DOCK4: variants seen among roughly 807,000 people sequenced by gnomAD.
DOCK4 encodes the protein dedicator of cytokinesis protein 4.
A neutral mutation model predicts 268.1 loss-of-function variants in DOCK4; 97 were observed. The ratio of observed to expected loss-of-function variants is 0.36; its 90% CI spans 0.31 to 0.43. DOCK4 has a LOEUF of 0.43. DOCK4 is among the 20% of genes least tolerant of loss of function. The pLI, the probability that DOCK4 is intolerant of heterozygous loss-of-function variation, is 1.00. For missense variants in DOCK4, 2,145 were observed against 2,455.7 expected (o/e 0.87, Z 2.67); for synonymous variants, 954 against 887.2 (o/e 1.08, Z -1.34).
chr7:112,046,665 A>G (rs1448149138), intron 1 of DOCK4, among the ~76,000 whole-genome samples: 1 of 152,180 alleles, frequency 6.6e-6, no homozygotes, highest in Non-Finnish European at 1.5e-5. Flanking sequence ...TCTCAAAACA[A>G]TGACAACAAA....
chr7:111,778,315 T>C lies in DOCK4; in HGVS notation c.3640A>G (p.Lys1214Glu). ...GCTTTGAGATGCAGATCATAGAGTT[T>C]GTGAATGTAGCGTATATACATCTCC... is the stretch of plus-strand genomic sequence containing the variant. ...KEEMYIRYIH[K>E]LYDLHLKAQN... The change falls in exon 36 of 53, where the codon AAA becomes GAA. Residue 1214 changes from lysine to glutamate, a missense_variant. Lys to Glu is a moderately conservative substitution (Grantham distance 56, BLOSUM62 1). This residue lies in a region of DOCK4 where 1,598 missense variants were observed against 1,986.7 expected (regional missense o/e 0.80). Transcript: ENST00000428084. The C allele has an allele frequency of 1.2e-6, 2 of 1,613,312 alleles. No homozygotes were observed. Among genetic ancestry groups the C allele is most frequent in the Non-Finnish European group, 1.7e-6 (2 of 1,179,442 alleles).
intron 12 of DOCK4, 144 bp from the exon 13 acceptor site, chr7:111,916,048 T>A: frequency 1.2e-6 from 1 of 863,914 alleles, no homozygotes; most frequent in Non-Finnish European, 1.8e-6. Context: ...AGAATCTATA[T>A]GAATCATATC....
intron 8 of DOCK4, among the ~76,000 whole-genome samples, chr7:111,954,190 G>A (rs1183189280): frequency 6.6e-6 from 1 of 152,174 alleles, no homozygotes; most frequent in Admixed American, 6.5e-5. Flanking sequence ...ACTGTGAAGA[G>A]AGCTGTTACT....
intron 10 of DOCK4, among the ~76,000 whole-genome samples, chr7:111,941,453 T>C (rs1295065396): frequency 1.3e-5 from 2 of 152,230 alleles, no homozygotes; most frequent in African/African-American, 4.8e-5. Context: ...TCTCAATTTA[T>C]GTCTATTTTG....
chr7:112,018,905 T>C (rs1000774703), intron 1 of DOCK4, among the ~76,000 whole-genome samples: 1 of 152,198 alleles, frequency 6.6e-6, no homozygotes, highest in African/African-American at 2.4e-5. Flanking sequence ...GAACAATCCA[T>C]CTATTGCAGT....
At chr7:111,895,229 A>G (rs983999940) in intron 16 of DOCK4, among the ~76,000 whole-genome samples, 1 of 152,204 alleles carries the variant, frequency 6.6e-6, no homozygotes, top group African/African-American at 2.4e-5. Context: ...TAGCAGACAA[A>G]AAAAAGCAAT....
Position 111,782,899 on chromosome 7 carries a change from C to T in DOCK4, c.3550G>A (p.Asp1184Asn). Residue 1184 changes from aspartate (D) to asparagine (N), a missense_variant, in exon 35 of 53, where the codon GAT (aspartate) becomes AAT (asparagine). Asp to Asn is a conservative substitution (Grantham distance 23). Coordinates refer to ENST00000428084, the MANE Select transcript of DOCK4 (RefSeq NM_001363540.2). ...ACTGTGCAGCCAATCTTTTTGCCAT[C>T]TACCTCTCCCATTTTCATGCAGTCC... ...YRDCMKMGEV[D>N]GKKIGCTVSL... The T allele has an allele frequency of 6.2e-7, 1 of 1,613,312 alleles. No homozygotes were observed. The highest frequency in any genetic ancestry group is 8.5e-7 in the Non-Finnish European group (1 of 1,179,726).
Position 111,739,576 on chromosome 7 carries a change from A to C in DOCK4, c.5041-99T>G, listed in dbSNP as rs1194140327. 1.1e-5 allele frequency: 11 copies of C among 1,010,872 alleles called. No homozygotes were observed. In the African/African-American group the frequency reaches 1.6e-4, roughly 15 times the overall value. The allele number at this position is 1,010,872 out of a possible 1,614,324, so 62.6% of individuals were successfully genotyped here. ...ATCATCAACTTTTTTTCAAATTAGCAACAAAAAGTCCGTTTAACAATATAG... is the reference window on the plus strand; with the variant it reads ...ATCATCAACTTTTTTTCAAATTAGCCACAAAAAGTCCGTTTAACAATATAG... On this transcript the variant is annotated intron_variant, in intron 47 of 52. Coordinates refer to ENST00000428084, the MANE Select transcript of DOCK4 (RefSeq NM_001363540.2).
intron 6 of DOCK4, among the ~76,000 whole-genome samples, chr7:111,987,172 T>C (rs569304817): frequency 6.6e-6 from 1 of 152,302 alleles, no homozygotes; most frequent in East Asian, 1.9e-4. Flanking sequence ...TTTTCATGCA[T>C]CAATGTTTTA....
At chr7:111,984,218 G>T in intron 7 of DOCK4, 88 bp downstream of exon 7, 1 of 1,190,712 alleles carries the variant, frequency 8.4e-7, no homozygotes, top group Non-Finnish European at 1.2e-6. Context: ...GGAACATCCT[G>T]TTCTTACAAA....
intron 35 of DOCK4, among the ~76,000 whole-genome samples, chr7:111,779,443 G>C (rs2133739373): frequency 6.6e-6 from 1 of 152,250 alleles, no homozygotes; most frequent in East Asian, 1.9e-4. Flanking sequence ...TGTCACCCAG[G>C]CTGGAGTGCA....
intron 8 of DOCK4, among the ~76,000 whole-genome samples, chr7:111,964,035 T>C: frequency 7.6e-6 from 1 of 131,800 alleles, no homozygotes; most frequent in Admixed American, 7.5e-5. Context: ...AGAAAGGACA[T>C]CTACACCGAA....
intron 1 of DOCK4, among the ~76,000 whole-genome samples, chr7:112,200,042 C>G (rs980805511): frequency 6.6e-6 from 1 of 152,130 alleles, no homozygotes; most frequent in African/African-American, 2.4e-5. Flanking sequence ...AAGACAATAA[C>G]CACCACCACC....
chr7:112,201,469 C>T (rs2116881693), intron 1 of DOCK4, among the ~76,000 whole-genome samples: 1 of 152,294 alleles, frequency 6.6e-6, no homozygotes, highest in East Asian at 1.9e-4. Flanking sequence ...TCCTGTCAAG[C>T]TTAACTAAGC....
intron 23 of DOCK4, among the ~76,000 whole-genome samples, chr7:111,862,365 A>G (rs1400809390): frequency 2.0e-5 from 3 of 151,736 alleles, no homozygotes; most frequent in Non-Finnish European, 4.4e-5. Context: ...ATTATGCTCT[A>G]TCCTTAAATG....
At chr7:111,855,041 G>A (rs1279513550) in intron 23 of DOCK4, among the ~76,000 whole-genome samples, 1 of 152,202 alleles carries the variant, frequency 6.6e-6, no homozygotes, top group Admixed American at 6.5e-5. Flanking sequence ...AATTAACTCT[G>A]TTGGGCAGGA....
chr7:111,755,577 A>G lies in DOCK4; in HGVS notation c.4354T>C (p.Leu1452=). 6.2e-7 allele frequency: 1 copy of G among 1,613,920 alleles called. No individual in the cohort carries two copies. Residue 1452 remains leucine (L), a synonymous_variant, in exon 42 of 53, where the codon TTA becomes CTA. Coordinates refer to ENST00000428084, the MANE Select transcript of DOCK4 (RefSeq NM_001363540.2). ...CCAGGCAAACTCTGCACCAAGTATA[A>G]TGACGTTCTCTCCACCCAGAGACTC... ...FKSLWVERTS[L]YLVQSLPGIS...
At chr7:112,151,536 C>T (rs111489106) in intron 1 of DOCK4, among the ~76,000 whole-genome samples, 14 of 152,162 alleles carry the variant, frequency 9.2e-5, no homozygotes, top group African/African-American at 2.6e-4. Flanking sequence ...TTCAGAGGGA[C>T]ACCACTGGAT....
At chr7:112,113,883 C>CA (rs775485124) in intron 1 of DOCK4, among the ~76,000 whole-genome samples, 1 of 151,370 alleles carries the variant, frequency 6.6e-6, no homozygotes, top group Non-Finnish European at 1.5e-5. Flanking sequence ...CATGAGCCAC[C>CA]ATGCTTCGCC....
Sources: allele counts gnomAD v4.1 joint callset (sites outside exome capture counted in the v4.1 genomes callset), GRCh38; gene constraint gnomAD v4.1.1; regional missense constraint gnomAD v4.1.1; transcripts MANE v1.5; gene names NCBI Gene and HGNC (gene_info 2026-07-23, HGNC 2026-07-21).